UBE2E2: variants seen among roughly 807,000 people sequenced by gnomAD.
UBE2E2 encodes ubiquitin conjugating enzyme E2 E2.
A neutral mutation model predicts 24.7 loss-of-function variants in UBE2E2; 6 were observed. The observed-to-expected ratio is 0.24, with a 90% CI of 0.13 to 0.48. The LOEUF is 0.48. UBE2E2 is among the 20% of genes least tolerant of loss of function. The pLI is 0.99. For missense variants in UBE2E2, 169 were observed against 245.0 expected, an observed-to-expected ratio of 0.69 and a Z score of 2.07; for synonymous variants, 104 against 83.6, an observed-to-expected ratio of 1.24 and a Z score of -1.33.
intron 4 of UBE2E2, among the ~76,000 whole-genome samples, chr3:23,526,615 A>G (rs1411307865): frequency 1.3e-5 from 2 of 151,616 alleles, no homozygotes; most frequent in Non-Finnish European, 2.9e-5. Context: ...AGGACCCCCA[A>G]AGAGGAGATT....
intron 3 of UBE2E2, among the ~76,000 whole-genome samples, chr3:23,403,627 C>G (rs1697283266): frequency 6.6e-6 from 1 of 152,052 alleles, no homozygotes; most frequent in Non-Finnish European, 1.5e-5. Flanking sequence ...TCAAGACCAG[C>G]CTGGTCAACA....
At chr3:23,475,269 A>AC (rs1235766082) in intron 3 of UBE2E2, among the ~76,000 whole-genome samples, 1 of 152,044 alleles carries the variant, frequency 6.6e-6, no homozygotes, top group Non-Finnish European at 1.5e-5. Flanking sequence ...GGTTATAAAG[A>AC]CCAACAGTTG....
chr3:23,525,414 C>T (rs945383546), intron 4 of UBE2E2, among the ~76,000 whole-genome samples: 2 of 152,134 alleles, frequency 1.3e-5, no homozygotes, highest in Non-Finnish European at 2.9e-5. Flanking sequence ...CTTTGTTATC[C>T]AGGGCCATCT....
intron 3 of UBE2E2, among the ~76,000 whole-genome samples, chr3:23,230,919 T>C (rs1291787269): frequency 6.6e-6 from 1 of 151,898 alleles, no homozygotes; most frequent in African/African-American, 2.4e-5. Context: ...TTTTGGGGAG[T>C]AGAACTAGCG....
intron 1 of UBE2E2, among the ~76,000 whole-genome samples, chr3:23,207,855 C>G (rs1328119801): frequency 6.6e-6 from 1 of 152,010 alleles, no homozygotes; most frequent in African/African-American, 2.4e-5. Context: ...ATAAAATTTA[C>G]CCTTTAAAAA....
intron 3 of UBE2E2, among the ~76,000 whole-genome samples, chr3:23,468,944 A>T (rs552916939): frequency 6.6e-6 from 1 of 152,274 alleles, no homozygotes; most frequent in South Asian, 2.1e-4. Flanking sequence ...AACTCTGTGG[A>T]TCTTATGTGA....
intron 3 of UBE2E2, among the ~76,000 whole-genome samples, chr3:23,319,285 C>T (rs559047364): frequency 7.9e-5 from 12 of 152,262 alleles, no homozygotes; most frequent in East Asian, 1.9e-4. Context: ...ATGTTCTCTT[C>T]GGTCTGAAAT....
intron 3 of UBE2E2, among the ~76,000 whole-genome samples, chr3:23,349,702 G>A (rs1695674823): frequency 6.6e-6 from 1 of 152,214 alleles, no homozygotes; most frequent in African/African-American, 2.4e-5. Flanking sequence ...CCATTGCCCA[G>A]GCTTGCTTAG....
intron 3 of UBE2E2, among the ~76,000 whole-genome samples, chr3:23,269,475 G>A (rs1415133685): frequency 2.6e-5 from 4 of 152,210 alleles, no homozygotes; most frequent in East Asian, 3.9e-4. Context: ...GGCACTCAGA[G>A]ACTGGACTGT....
chr3:23,525,044 G>A (rs186475269), intron 4 of UBE2E2, among the ~76,000 whole-genome samples: 88 of 152,086 alleles, frequency 5.8e-4, no homozygotes, highest in Non-Finnish European at 1.6e-4. Flanking sequence ...GAGGCTTTAG[G>A]GGAAAAATCC....
intron 4 of UBE2E2, among the ~76,000 whole-genome samples, chr3:23,522,370 G>A (rs1441748254): frequency 1.3e-5 from 2 of 152,180 alleles, no homozygotes; most frequent in East Asian, 1.9e-4. Flanking sequence ...GACCTCAGGT[G>A]ATCTGCCCGC....
At chr3:23,548,982 T>G (rs889405885) in intron 5 of UBE2E2, among the ~76,000 whole-genome samples, 1 of 152,204 alleles carries the variant, frequency 6.6e-6, no homozygotes, top group African/African-American at 2.4e-5. Context: ...TCTGAAAATG[T>G]GGCTGAACAC....
intron 3 of UBE2E2, among the ~76,000 whole-genome samples, chr3:23,481,313 C>G (rs1304135460): frequency 6.6e-6 from 1 of 152,188 alleles, no homozygotes; most frequent in Non-Finnish European, 1.5e-5. Context: ...TAGCGTTTTA[C>G]AAGTAGTAGC....
rs1696697008 is a variant in UBE2E2, at chr3:23,589,056, G to A, written c.509-678G>A. ...TAAGGAGTTGTCCAGACCGCCAAACGTCTTCCCAGGAGAGCTCATCAAGAG... is the reference window on the plus strand; with the variant it reads ...TAAGGAGTTGTCCAGACCGCCAAACATCTTCCCAGGAGAGCTCATCAAGAG... On this transcript the variant is annotated intron_variant, in intron 5 of 5. Coordinates refer to ENST00000396703, the MANE Select transcript of UBE2E2 (RefSeq NM_152653.4). This position sits in a 1 kb window ranked among gnomAD's most constrained non-coding sequence, Gnocchi z 4.1. Among the ~76,000 whole-genome samples, 1 of 151,912 alleles carries A rather than the reference G, an allele frequency of 6.6e-6. No homozygotes were observed. Among genetic ancestry groups the A allele is most frequent in the African/African-American group, 2.4e-5 (1 of 41,334 alleles).
At chr3:23,242,447 G>C (rs960512879) in intron 3 of UBE2E2, among the ~76,000 whole-genome samples, 6 of 134,512 alleles carry the variant, frequency 4.5e-5, no homozygotes, top group Non-Finnish European at 9.1e-5. Context: ...CATTGAAACA[G>C]AAAGACTATT....
intron 3 of UBE2E2, among the ~76,000 whole-genome samples, chr3:23,360,029 C>G (rs1462962755): frequency 6.6e-6 from 1 of 152,102 alleles, no homozygotes; most frequent in African/African-American, 2.4e-5. Flanking sequence ...GTGGTTTTAC[C>G]TGCTGGTCTA....
At chr3:23,227,836 A>C (rs1403773785) in intron 3 of UBE2E2, among the ~76,000 whole-genome samples, 1 of 152,188 alleles carries the variant, frequency 6.6e-6, no homozygotes, top group Non-Finnish European at 1.5e-5. Flanking sequence ...CAGAATTTCA[A>C]GAGTTTCAAG....
chr3:23,310,318 A>G (rs1694341020), intron 3 of UBE2E2, among the ~76,000 whole-genome samples: 1 of 133,616 alleles, frequency 7.5e-6, no homozygotes. Context: ...TTTTTTTACA[A>G]AAATTCTGCT....
chr3:23,374,738 G>A (rs1696479230), intron 3 of UBE2E2, among the ~76,000 whole-genome samples: 2 of 152,100 alleles, frequency 1.3e-5, no homozygotes, highest in African/African-American at 4.8e-5. Flanking sequence ...GAAACTTACT[G>A]CCTCTTACCT....
Sources: gnomAD v4.1 joint callset for allele counts (sites outside exome capture counted in the v4.1 genomes callset) on GRCh38, gnomAD v4.1.1 for gene constraint, Gnocchi (gnomAD v3.1) non-coding constraint, MANE v1.5 for transcripts, NCBI Gene and HGNC (gene_info 2026-07-23, HGNC 2026-07-21) for gene names.